The following OPCML variants were observed in gnomAD, a reference collection of about 807,000 sequenced individuals.
OPCML encodes the protein opioid-binding protein/cell adhesion molecule.
OPCML carries 13 observed loss-of-function variants against 37.8 expected under a neutral mutation model. The observed-to-expected ratio is 0.34, with a 90% CI of 0.22 to 0.55. OPCML has a LOEUF of 0.55. Among genes scored for constraint, OPCML ranks in the 20% least tolerant of loss-of-function variants. OPCML has a pLI of 0.91. For missense variants in OPCML, 341 were observed against 435.6 expected (o/e 0.78, Z 1.93); for synonymous variants, 176 against 168.8 (o/e 1.04, Z -0.33).
rs117205759 is a variant in OPCML at position 132,997,946 on chromosome 11, G to T, written c.62-54936C>A. Among the ~76,000 whole-genome samples, 77 of 152,256 alleles carry T rather than the reference G, an allele frequency of 5.1e-4. No homozygotes were observed. In the East Asian group the frequency reaches 9.1e-3, roughly 18 times the overall value. On this transcript the variant is annotated intron_variant, in intron 1 of 7. Coordinates refer to ENST00000524381, the MANE Select transcript of OPCML (RefSeq NM_001012393.5). ...CTCGTTGGTTTTAGCCCTCACAGGA[G>T]GTTCACATCCTGCTGACATTGGGAC...
At chr11:133,289,104 G>A (rs1025124367) in intron 1 of OPCML, among the ~76,000 whole-genome samples, 2 of 152,180 alleles carry the variant, frequency 1.3e-5, no homozygotes, top group Non-Finnish European at 2.9e-5. Context: ...ATTATCCGAG[G>A]ATTAGATGAT....
chr11:133,093,030 C>CA (rs1460911861), intron 1 of OPCML, among the ~76,000 whole-genome samples: 2 of 152,088 alleles, frequency 1.3e-5, no homozygotes, highest in Non-Finnish European at 2.9e-5. Context: ...ACTTGGAACA[C>CA]AAATCTTTGA....
At chr11:133,439,342 A>T (rs967289251) in intron 1 of OPCML, 1 of 985,256 alleles carries the variant, frequency 1.0e-6, no homozygotes, top group African/African-American at 1.7e-5. Flanking sequence ...AATAAAAACA[A>T]ACAAACCAAA....
chr11:132,718,086 T>A (rs906142976), intron 2 of OPCML, among the ~76,000 whole-genome samples: 1 of 152,108 alleles, frequency 6.6e-6, no homozygotes, highest in African/African-American at 2.4e-5. Context: ...AAATGAGACG[T>A]GCTTCTTTTC....
intron 1 of OPCML, among the ~76,000 whole-genome samples, chr11:133,021,761 G>A (rs548994400): frequency 5.6e-5 from 1 of 17,810 alleles, no homozygotes; most frequent in Non-Finnish European, 8.7e-5. Context: ...CGCCAATACT[G>A]AGCTGGTCGA....
intron 1 of OPCML, among the ~76,000 whole-genome samples, chr11:133,468,740 C>T (rs1947032348): frequency 6.6e-6 from 1 of 152,154 alleles, no homozygotes; most frequent in East Asian, 1.9e-4. Context: ...GAGCTCACTT[C>T]ACAAACACTC....
intron 1 of OPCML, among the ~76,000 whole-genome samples, chr11:133,341,161 C>T (rs966842004): frequency 5.9e-5 from 9 of 152,152 alleles, no homozygotes; most frequent in Non-Finnish European, 1.0e-4. Context: ...TAGAACCCTG[C>T]CTGCCTGTAC....
chr11:133,291,124 G>A (rs1368822410), intron 1 of OPCML, among the ~76,000 whole-genome samples: 1 of 152,214 alleles, frequency 6.6e-6, no homozygotes, highest in African/African-American at 2.4e-5. Context: ...CAATGCCCAA[G>A]GCTGTGTCAT....
chr11:133,483,949 T>C (rs879392286), intron 1 of OPCML, among the ~76,000 whole-genome samples: 17 of 142,060 alleles, frequency 1.2e-4, no homozygotes, highest in Non-Finnish European at 1.9e-4. Context: ...ATTAGACAGA[T>C]AGATAGACAG....
At chr11:133,315,928 C>T (rs1476633192) in intron 1 of OPCML, among the ~76,000 whole-genome samples, 1 of 152,198 alleles carries the variant, frequency 6.6e-6, no homozygotes, top group East Asian at 1.9e-4. Flanking sequence ...GTGGGTACTA[C>T]TCAAGGTTTT....
chr11:133,379,755 T>G (rs989954333), intron 1 of OPCML, among the ~76,000 whole-genome samples: 2 of 152,232 alleles, frequency 1.3e-5, no homozygotes, highest in Non-Finnish European at 2.9e-5. Context: ...TTTTGCTAGA[T>G]CCTGCGTATA....
chr11:133,281,034 A>C (rs977273820), intron 1 of OPCML, among the ~76,000 whole-genome samples: 3 of 152,182 alleles, frequency 2.0e-5, no homozygotes, highest in Admixed American at 6.5e-5. Flanking sequence ...CACTGGAGAA[A>C]TTGTCTGAAT....
At chr11:133,339,416 T>A (rs962110077) in intron 1 of OPCML, among the ~76,000 whole-genome samples, 1 of 152,194 alleles carries the variant, frequency 6.6e-6, no homozygotes, top group Non-Finnish European at 1.5e-5. Context: ...CCCATGCTCT[T>A]AGCCACTCAC....
At chr11:132,660,780 C>T (rs1242280222) in intron 2 of OPCML, among the ~76,000 whole-genome samples, 1 of 152,128 alleles carries the variant, frequency 6.6e-6, no homozygotes, top group East Asian at 1.9e-4. Context: ...TCCTTCAAGA[C>T]TGATACCCTG....
At chr11:132,653,286 G>A (rs988568148) in intron 3 of OPCML, among the ~76,000 whole-genome samples, 2 of 152,144 alleles carry the variant, frequency 1.3e-5, no homozygotes, top group Non-Finnish European at 2.9e-5. Context: ...GTTTCCTGTG[G>A]ACAGTGCCTC....
chr11:132,523,631 CAAGAATTTAAACAGTATTG>C (rs2096300162), intron 4 of OPCML, among the ~76,000 whole-genome samples: 1 of 152,066 alleles, frequency 6.6e-6, no homozygotes. Context: ...TAAAAAGACA[CAAGAATTTAAACAGTATTG>C]ACAGTATTAA....
At chr11:133,320,589 T>G (rs1169155228) in intron 1 of OPCML, among the ~76,000 whole-genome samples, 1 of 152,228 alleles carries the variant, frequency 6.6e-6, no homozygotes, top group Non-Finnish European at 1.5e-5. Flanking sequence ...TTCATAAATT[T>G]AAAAGAAAGC....
chr11:132,425,565 T>C (rs2095975318), intron 7 of OPCML, among the ~76,000 whole-genome samples: 1 of 152,210 alleles, frequency 6.6e-6, no homozygotes. Context: ...AATCATCAAG[T>C]ACAGAGTAAA....
rs563903707 is a variant in OPCML, at chr11:132,488,949, C to T, written c.505+40112G>A. On this transcript the variant is annotated intron_variant, in intron 4 of 7. Coordinates refer to ENST00000524381, the MANE Select transcript of OPCML (RefSeq NM_001012393.5). ...AGAACGAGAACCCTGTTGGAATTTT[C>T]GAGGGTGGCTCCAGGACAGCCAGCT... 3.9e-5 allele frequency among the ~76,000 whole-genome samples: 6 copies of T among 152,246 alleles called. No individual in the cohort carries two copies. The South Asian group carries it at 8.3e-4, about 21-fold the overall frequency.
Sources: gnomAD v4.1 joint callset for allele counts (sites outside exome capture counted in the v4.1 genomes callset) on GRCh38, gnomAD v4.1.1 for gene constraint, MANE v1.5 for transcripts, NCBI Gene and HGNC (gene_info 2026-07-23, HGNC 2026-07-21) for gene names.